Variants in CCDC97 observed in about 807,000 individuals in gnomAD.
CCDC97 encodes coiled-coil domain containing 97, also known as coiled-coil domain-containing protein 97.
Under a neutral mutation model 33.9 loss-of-function variants are expected in CCDC97, and 27 were observed. That is an observed-to-expected ratio of 0.80 (90% CI 0.59 to 1.10). The LOEUF (loss-of-function observed/expected upper bound fraction) is 1.10, where lower values mean the gene tolerates loss of function less well. Among genes scored for constraint, CCDC97 ranks in the 50% least tolerant of loss-of-function variants. CCDC97 has a pLI of 0.00. For missense variants in CCDC97, 422 were observed against 476.6 expected, an observed-to-expected ratio of 0.89 and a Z score of 1.07; for synonymous variants, 217 against 194.0, an observed-to-expected ratio of 1.12 and a Z score of -0.99.
At chr19:41,320,530 A>G (rs751959101) in intron 4 of CCDC97, 60 bp downstream of exon 4, 11 of 1,605,440 alleles carry the variant, frequency 6.9e-6, no homozygotes, top group Non-Finnish European at 9.4e-6. Context: ...CTTTGGTCAC[A>G]TGCAGAGCCC....
intron 2 of CCDC97, 37 bp downstream of exon 2, chr19:41,316,876 G>T: frequency 6.9e-7 from 1 of 1,447,738 alleles, no homozygotes. Context: ...GGCACATATG[G>T]GGAGGGAGGG....
rs558171088 is a variant in CCDC97, at chr19:41,323,639, C to G, written c.*924C>G. On this transcript the variant is annotated 3_prime_UTR_variant, in exon 5 of 5. Transcript: ENST00000269967. ...CTCAGCCCCACCAGCCCCCCTCTGC[C>G]CAACCACAATTTTCCCTTCCTCCGC... is the stretch of plus-strand genomic sequence containing the variant. 22 of 154,630 alleles carry G rather than the reference C, an allele frequency of 1.4e-4. No homozygotes were observed. The highest frequency in any genetic ancestry group is 5.3e-4 in the African/African-American group (22 of 41,588). The allele number at this position is 154,630 out of a possible 1,614,324, so 9.6% of individuals were successfully genotyped here. A position where few individuals can be genotyped will look rare whatever the true frequency, so the allele number is the denominator to read the frequency against.
intron 1 of CCDC97, chr19:41,310,880 A>C: frequency 2.0e-6 from 2 of 988,132 alleles, no homozygotes; most frequent in Non-Finnish European, 2.4e-6. Context: ...CAAAGTCCTT[A>C]CTCAATTTCT....
chr19:41,319,986 ACT>A (rs969483377), intron 3 of CCDC97, 134 bp downstream of exon 3: 10 of 606,336 alleles, frequency 1.6e-5, no homozygotes, highest in South Asian at 4.0e-5. Flanking sequence ...GCCCAGCCTG[ACT>A]CTCTGTGTAT....
chr19:41,315,098 G>A (rs1211046142), intron 1 of CCDC97, among the ~76,000 whole-genome samples: 1 of 150,432 alleles, frequency 6.6e-6, no homozygotes, highest in Non-Finnish European at 1.5e-5. Context: ...TCAGGAGTTC[G>A]AGACCAGCAC....
At chr19:41,322,004 A>G (rs1212681058) in intron 4 of CCDC97, among the ~76,000 whole-genome samples, 2 of 152,088 alleles carry the variant, frequency 1.3e-5, no homozygotes, top group African/African-American at 2.4e-5. Flanking sequence ...GGGCAAAATT[A>G]CCCCCAAGTG....
intron 3 of CCDC97, among the ~76,000 whole-genome samples, 164 bp from the exon 4 acceptor site, chr19:41,320,177 C>T (rs13346217): frequency 0.034 from 5,178 of 152,242 alleles, 310 homozygotes; most frequent in African/African-American, 0.12. Context: ...GTGTTTTATG[C>T]GTGTCCCTGG....
At chr19:41,318,766 G>A (rs1231078759) in intron 2 of CCDC97, among the ~76,000 whole-genome samples, 1 of 152,210 alleles carries the variant, frequency 6.6e-6, no homozygotes, top group Non-Finnish European at 1.5e-5. Flanking sequence ...TTGCTGCATA[G>A]AGGAGCACTC....
Position 41,322,735 on chromosome 19 carries a change from C to T in CCDC97, c.*20C>T, listed in dbSNP as rs965597238. ...GACTGATGGCCGCCACCCTTCCCAC[C>T]GCCTGCCCCATCCCCATCCCCAACA... On this transcript the variant is annotated 3_prime_UTR_variant, in exon 5 of 5. Transcript: ENST00000269967. The T allele has an allele frequency of 3.2e-5, 51 of 1,609,958 alleles. No individual in the cohort carries two copies. Among genetic ancestry groups the T allele is most frequent in the Non-Finnish European group, 4.3e-5 (51 of 1,177,772 alleles).
intron 1 of CCDC97, among the ~76,000 whole-genome samples, chr19:41,316,007 T>G (rs2037741415): frequency 2.0e-5 from 3 of 151,612 alleles, no homozygotes; most frequent in African/African-American, 7.3e-5. Context: ...GATGGGAGGA[T>G]CGCTCAAGCC....
intron 1 of CCDC97, 195 bp downstream of exon 1, chr19:41,310,551 T>G: frequency 5.1e-6 from 5 of 985,096 alleles, no homozygotes; most frequent in Non-Finnish European, 6.0e-6. Context: ...CTCCATTCCT[T>G]CCCCCCGAAA....
At chr19:41,319,929 C>T in intron 3 of CCDC97, 77 bp downstream of exon 3, 2 of 718,780 alleles carry the variant, frequency 2.8e-6, no homozygotes, top group Non-Finnish European at 4.6e-6. Context: ...TTCATGGCAG[C>T]AGGCTGGGCC....
chr19:41,318,961 C>T (rs1412484101), intron 2 of CCDC97, among the ~76,000 whole-genome samples: 3 of 152,208 alleles, frequency 2.0e-5, no homozygotes, highest in African/African-American at 7.2e-5. Context: ...AACAGGCACA[C>T]AACCTAGAGA....
chr19:41,316,896 G>A (rs2037756687), intron 2 of CCDC97, 57 bp downstream of exon 2: 3 of 1,333,230 alleles, frequency 2.3e-6, no homozygotes, highest in Non-Finnish European at 3.1e-6. Context: ...GGAGACTGAG[G>A]CAGAGGGAAT....
At chr19:41,320,228 C>T (rs1199842875) in intron 3 of CCDC97, 113 bp from the exon 4 acceptor site, 8 of 1,442,536 alleles carry the variant, frequency 5.5e-6, no homozygotes, top group Non-Finnish European at 7.6e-6. Flanking sequence ...AGTGTGTTCC[C>T]AGAGCCACCC....
chr19:41,317,610 G>T (rs1274299742), intron 2 of CCDC97, among the ~76,000 whole-genome samples: 1 of 151,770 alleles, frequency 6.6e-6, no homozygotes, highest in Non-Finnish European at 1.5e-5. Flanking sequence ...TACTCAGAAG[G>T]CTGAGGTGGG....
chr19:41,316,780 G>T lies in CCDC97; in HGVS notation c.443G>T (p.Arg148Leu), dbSNP rs569723496. ...GCCCGGCAGGGCACTGCCCGGCCCC[G>T]CACCCTGCGTACCCGCCTGCGTAAC... is the stretch of plus-strand genomic sequence containing the variant. ...EVARQGTARP[R>L]TLRTRLRNRR... The change falls in exon 2 of 5, where the codon CGC becomes CTC. Residue 148 changes from arginine to leucine, a missense_variant. Arg to Leu is a moderately radical substitution (Grantham distance 102). Coordinates refer to ENST00000269967, the MANE Select transcript of CCDC97 (RefSeq NM_052848.3). 6.2e-7 allele frequency: 1 copy of T among 1,609,058 alleles called. No homozygotes were observed. The highest frequency in any genetic ancestry group is 8.5e-7 in the Non-Finnish European group (1 of 1,176,402).
At chr19:41,317,642 G>A (rs1362451590) in intron 2 of CCDC97, among the ~76,000 whole-genome samples, 1 of 151,568 alleles carries the variant, frequency 6.6e-6, no homozygotes, top group East Asian at 1.9e-4. Context: ...AGCCTGGGAG[G>A]TGGAAGTTGT....
At chr19:41,318,062 A>G (rs1329190586) in intron 2 of CCDC97, among the ~76,000 whole-genome samples, 1 of 151,644 alleles carries the variant, frequency 6.6e-6, no homozygotes, top group East Asian at 1.9e-4. Context: ...AAAGCAGGAA[A>G]GATAGAAAGA....
Sources: gnomAD v4.1 joint callset for allele counts (sites outside exome capture counted in the v4.1 genomes callset) on GRCh38, gnomAD v4.1.1 for gene constraint, MANE v1.5 for transcripts, NCBI Gene and HGNC (gene_info 2026-07-23, HGNC 2026-07-21) for gene names.